PHLPP1: variants seen among roughly 807,000 people sequenced by gnomAD.
PHLPP1 encodes the protein PH domain and leucine rich repeat protein phosphatase 1.
PHLPP1 carries 42 observed loss-of-function variants against 117.2 expected under a neutral mutation model. The observed-to-expected ratio is 0.36, with a 90% CI of 0.28 to 0.46. PHLPP1 has a LOEUF of 0.46. PHLPP1 is among the 20% of genes least tolerant of loss of function. PHLPP1 has a pLI of 1.00. For synonymous variants in PHLPP1, 1,042 were observed against 970.7 expected (o/e 1.07, Z -1.37); for missense variants, 2,084 against 2,241.9 (o/e 0.93, Z 1.42).
At chr18:62,832,049 A>G (rs1914772757) in intron 2 of PHLPP1, 1 of 152,258 alleles carries the variant, frequency 6.6e-6, no homozygotes, top group Admixed American at 6.5e-5. Flanking sequence ...TTAAAAATGC[A>G]TATTTAATGT....
At chr18:62,807,430 A>G (rs1426402830) in intron 1 of PHLPP1, among the ~76,000 whole-genome samples, 3 of 152,210 alleles carry the variant, frequency 2.0e-5, no homozygotes, top group Non-Finnish European at 4.4e-5. Flanking sequence ...CTTGGGGAGA[A>G]GCATAAAGAA....
chr18:62,721,605 A>T (rs1453266981), intron 1 of PHLPP1, among the ~76,000 whole-genome samples: 4 of 152,080 alleles, frequency 2.6e-5, no homozygotes. Context: ...CTCTTGTATA[A>T]TTTTTATAAT....
chr18:62,827,542 G>A (rs1914643231), intron 1 of PHLPP1, among the ~76,000 whole-genome samples: 1 of 152,196 alleles, frequency 6.6e-6, no homozygotes, highest in African/African-American at 2.4e-5. Flanking sequence ...GGCCCACTTA[G>A]TACACAGCCA....
chr18:62,735,300 T>C (rs1196352482), intron 1 of PHLPP1, among the ~76,000 whole-genome samples: 1 of 152,092 alleles, frequency 6.6e-6, no homozygotes, highest in Non-Finnish European at 1.5e-5. Context: ...CCCAGGCTGA[T>C]CTCAAACTCC....
intron 3 of PHLPP1, among the ~76,000 whole-genome samples, chr18:62,847,080 C>G (rs906928089): frequency 2.6e-5 from 4 of 152,114 alleles, no homozygotes; most frequent in African/African-American, 9.7e-5. Context: ...GCAAAGATAC[C>G]TAGTTTGCTT....
At chr18:62,739,089 T>C (rs1196990151) in intron 1 of PHLPP1, among the ~76,000 whole-genome samples, 1 of 152,224 alleles carries the variant, frequency 6.6e-6, no homozygotes, top group Non-Finnish European at 1.5e-5. Context: ...CAAGTATGTC[T>C]GAAGAGCTCC....
intron 3 of PHLPP1, among the ~76,000 whole-genome samples, chr18:62,856,094 G>C (rs936676674): frequency 6.6e-6 from 1 of 152,160 alleles, no homozygotes; most frequent in African/African-American, 2.4e-5. Flanking sequence ...ACTAACCGGG[G>C]ATCAAAACCT....
intron 1 of PHLPP1, among the ~76,000 whole-genome samples, chr18:62,822,493 C>T (rs1914495835): frequency 6.6e-6 from 1 of 151,804 alleles, no homozygotes; most frequent in South Asian, 2.1e-4. Flanking sequence ...ACCGTGTTAG[C>T]CAGGATGGTC....
At chr18:62,849,826 A>T (rs1163433937) in intron 3 of PHLPP1, among the ~76,000 whole-genome samples, 393 of 33,754 alleles carry the variant, frequency 0.012, 17 homozygotes, top group African/African-American at 0.022. Flanking sequence ...AAAAAAAAAA[A>T]AAAAAAATAT....
At chr18:62,963,325 T>G in intron 13 of PHLPP1, 43 bp from the exon 14 acceptor site, 1 of 1,346,486 alleles carries the variant, frequency 7.4e-7, no homozygotes, top group Non-Finnish European at 1.1e-6. Context: ...TTGCACACAT[T>G]TGGTTTTAAT....
chr18:62,904,543 C>T (rs971497056), intron 7 of PHLPP1, among the ~76,000 whole-genome samples: 1 of 152,148 alleles, frequency 6.6e-6, no homozygotes, highest in African/African-American at 2.4e-5. Context: ...TTGAGACTTA[C>T]CTGCTCAGAG....
chr18:62,787,457 C>T (rs755409888), intron 1 of PHLPP1, among the ~76,000 whole-genome samples: 12 of 152,170 alleles, frequency 7.9e-5, no homozygotes, highest in Non-Finnish European at 5.9e-5. Context: ...CTTGAGCCAC[C>T]GTGCCCGACC....
intron 9 of PHLPP1, among the ~76,000 whole-genome samples, chr18:62,917,394 CTTTG>C (rs1343189118): frequency 1.7e-5 from 1 of 58,256 alleles, no homozygotes. Context: ...AAACAGTATT[CTTTG>C]TGTGTGTGTG....
At chr18:62,858,502 A>G (rs527591236) in intron 3 of PHLPP1, among the ~76,000 whole-genome samples, 2 of 152,212 alleles carry the variant, frequency 1.3e-5, no homozygotes, top group South Asian at 4.1e-4. Flanking sequence ...ACCTCAAATG[A>G]TCCACCTGCC....
chr18:62,716,210 C>A lies in PHLPP1; in HGVS notation c.527C>A (p.Thr176Lys). The A allele has an allele frequency of 6.5e-7, 1 of 1,528,114 alleles. No individual in the cohort carries two copies. Among genetic ancestry groups the A allele is most frequent in the South Asian group, 1.2e-5 (1 of 83,006 alleles). 94.7% of individuals were successfully genotyped at this position (1,528,114 alleles called of 1,614,324 possible). A position where few individuals can be genotyped will look rare whatever the true frequency, so the allele number is the denominator to read the frequency against. The change falls in exon 1 of 17, where the codon ACG becomes AAG. Residue 176 changes from threonine to lysine, a missense_variant. Physicochemically the swap from Thr to Lys is moderately conservative, Grantham distance 78. Transcript: ENST00000262719. The surrounding 1 kb of genome is among the most constrained non-coding windows in gnomAD (Gnocchi z 5.7). ...SLCTRSLDRK[T>K]LLLKHRQTLQ... ...TGCACCCGGAGCCTGGACAGGAAGACGCTGCTTCTGAAGCACCGGCAGACG... is the reference window on the plus strand; with the variant it reads ...TGCACCCGGAGCCTGGACAGGAAGAAGCTGCTTCTGAAGCACCGGCAGACG...
chr18:62,760,616 GTGGTCT>G (rs1333178961), intron 1 of PHLPP1, among the ~76,000 whole-genome samples: 1 of 152,184 alleles, frequency 6.6e-6, no homozygotes, highest in Non-Finnish European at 1.5e-5. Context: ...TGGAGTGGTT[GTGGTCT>G]TGGTGCAAGG....
Position 62,978,127 on chromosome 18 carries a change from T to G in PHLPP1, c.3985-135T>G. 1 of 607,244 alleles carries G rather than the reference T, an allele frequency of 1.6e-6. No homozygotes were observed. Among genetic ancestry groups the G allele is most frequent in the Non-Finnish European group, 3.0e-6 (1 of 338,786 alleles). 37.6% of individuals were successfully genotyped at this position (607,244 alleles called of 1,614,324 possible). On this transcript the variant is annotated intron_variant, in intron 16 of 16. Transcript: ENST00000262719. The surrounding 1 kb of genome is among the most constrained non-coding windows in gnomAD (Gnocchi z 7.0). Reference sequence around the variant, plus strand: ...TAACTACTCACTACAGAGTGAGCCCTTCTTTCCTCTGTGGGCCACACAGCA... The same window carrying G: ...TAACTACTCACTACAGAGTGAGCCCGTCTTTCCTCTGTGGGCCACACAGCA...
At chr18:62,798,215 T>A (rs1371121874) in intron 1 of PHLPP1, among the ~76,000 whole-genome samples, 1 of 152,168 alleles carries the variant, frequency 6.6e-6, no homozygotes, top group Non-Finnish European at 1.5e-5. Flanking sequence ...TCTCAGGTGA[T>A]CCTGATGCTG....
At chr18:62,957,123 C>G (rs988104295) in intron 12 of PHLPP1, among the ~76,000 whole-genome samples, 2 of 152,124 alleles carry the variant, frequency 1.3e-5, no homozygotes, top group Admixed American at 6.5e-5. Context: ...ATTGAATGCT[C>G]TCCACCCCAT....
Sources: gnomAD v4.1 joint callset for allele counts (sites outside exome capture counted in the v4.1 genomes callset) on GRCh38, gnomAD v4.1.1 for gene constraint, Gnocchi (gnomAD v3.1) non-coding constraint, MANE v1.5 for transcripts, NCBI Gene and HGNC (gene_info 2026-07-23, HGNC 2026-07-21) for gene names.